The following PSORS1C1 variants were observed in gnomAD, a reference collection of about 807,000 sequenced individuals.
The protein encoded by PSORS1C1 is psoriasis susceptibility 1 candidate gene 1 protein.
In PSORS1C1, 7 loss-of-function variants were observed where a neutral mutation model predicts 9.4. That is an observed-to-expected ratio of 0.75 (90% CI 0.42 to 1.40). The LOEUF (loss-of-function observed/expected upper bound fraction) is 1.40, where lower values mean the gene tolerates loss of function less well. Among genes scored for constraint, PSORS1C1 ranks in the 40% most tolerant of loss-of-function variants. PSORS1C1 has a pLI of 0.01. For missense variants in PSORS1C1, 146 were observed against 178.1 expected, an observed-to-expected ratio of 0.82 and a Z score of 1.02; for synonymous variants, 63 against 69.4, an observed-to-expected ratio of 0.91 and a Z score of 0.46.
chr6:31,121,436 G>A (rs545082189), intron 1 of PSORS1C1, among the ~76,000 whole-genome samples: 3 of 152,198 alleles, frequency 2.0e-5, no homozygotes, highest in African/African-American at 4.8e-5. Context: ...GCAGGCTCCC[G>A]GGTCCTCAAA....
intron 1 of PSORS1C1, chr6:31,117,716 C>T: frequency 1.6e-6 from 1 of 613,298 alleles, no homozygotes; most frequent in East Asian, 2.8e-5. Flanking sequence ...CGAATAAAGG[C>T]ATTTCTTTGT....
intron 3 of PSORS1C1, among the ~76,000 whole-genome samples, chr6:31,137,185 T>C (rs1190445707): frequency 2.6e-5 from 3 of 116,100 alleles, no homozygotes; most frequent in Non-Finnish European, 3.6e-5. Flanking sequence ...GGCCGGGCGC[T>C]GTGGCTCACG....
In PSORS1C1 at chr6:31,128,525, G is replaced by C. The variant is rs147837208; in HGVS notation, c.-64-1044G>C. Among the ~76,000 whole-genome samples the C allele has an allele frequency of 1.0e-3, 156 of 152,242 alleles. 1 individual carries two copies. The East Asian group carries it at 0.02, about 20-fold the overall frequency. On this transcript the variant is annotated intron_variant, in intron 2 of 5. Transcript: ENST00000259881. This position sits in a 1 kb window ranked among gnomAD's most constrained non-coding sequence, Gnocchi z 4.3. ...GATTATACTGCAAAAGGAAAGGTGGGGATGGGGTGGGGACTGGGGAATTTG... is the reference window on the plus strand; with the variant it reads ...GATTATACTGCAAAAGGAAAGGTGGCGATGGGGTGGGGACTGGGGAATTTG...
chr6:31,130,578 A>AT (rs9281218), intron 3 of PSORS1C1, among the ~76,000 whole-genome samples: 8,358 of 151,528 alleles, frequency 0.055, 310 homozygotes, highest in South Asian at 0.11. Context: ...CTCCCGGCTA[A>AT]TTTTTTTTGT....
chr6:31,136,547 T>C (rs1311244463), intron 3 of PSORS1C1, among the ~76,000 whole-genome samples: 4 of 152,170 alleles, frequency 2.6e-5, no homozygotes, highest in Non-Finnish European at 5.9e-5. Flanking sequence ...CATATTAATC[T>C]GGAAACTGAT....
chr6:31,116,185 G>A (rs765498828), intron 1 of PSORS1C1: 1 of 1,613,524 alleles, frequency 6.2e-7, no homozygotes, highest in Non-Finnish European at 8.5e-7. Context: ...GGAGGGATCA[G>A]GATGGGGAGA....
intron 1 of PSORS1C1, among the ~76,000 whole-genome samples, chr6:31,123,636 C>T (rs1480478302): frequency 6.6e-6 from 1 of 152,252 alleles, no homozygotes; most frequent in Admixed American, 6.5e-5. Flanking sequence ...CACATGCCTT[C>T]CATAGGCAAA....
intron 1 of PSORS1C1, among the ~76,000 whole-genome samples, chr6:31,121,180 G>A (rs935255292): frequency 6.6e-6 from 1 of 151,520 alleles, no homozygotes; most frequent in Non-Finnish European, 1.5e-5. Flanking sequence ...GGGTGGGGGG[G>A]TGCTGGGAGC....
intron 3 of PSORS1C1, chr6:31,137,760 C>G (rs371292409): frequency 2.4e-6 from 1 of 408,548 alleles, no homozygotes; most frequent in South Asian, 1.1e-4. Context: ...GATGTGAGGA[C>G]TAAGTATGGA....
intron 1 of PSORS1C1, among the ~76,000 whole-genome samples, chr6:31,122,498 G>C (rs1161831773): frequency 6.6e-6 from 1 of 152,136 alleles, no homozygotes; most frequent in Non-Finnish European, 1.5e-5. Flanking sequence ...CTGCTCGGCT[G>C]GGCACGGTGG....
In PSORS1C1 at chr6:31,139,948, C is replaced by T; in HGVS notation, c.*16C>T. 6.4e-7 allele frequency: 1 copy of T among 1,555,868 alleles called. No homozygotes were observed. ...CTTGATCTAAGCCTCCCAGAGAGACCCCTAGAACGTTTCCCTCAAGGACCT... is the reference window on the plus strand; with the variant it reads ...CTTGATCTAAGCCTCCCAGAGAGACTCCTAGAACGTTTCCCTCAAGGACCT... On this transcript the variant is annotated 3_prime_UTR_variant, in exon 6 of 6. Coordinates refer to ENST00000259881, the MANE Select transcript of PSORS1C1 (RefSeq NM_014068.3). The surrounding 1 kb of genome is among the most constrained non-coding windows in gnomAD (Gnocchi z 5.2).
chr6:31,138,915 A>G, intron 5 of PSORS1C1, 136 bp downstream of exon 5: 1 of 1,602,718 alleles, frequency 6.2e-7, no homozygotes, highest in African/African-American at 1.3e-5. Context: ...CACCTCCGCC[A>G]TCTTGAGTAT....
At chr6:31,116,039 G>C (rs1159456064) in intron 1 of PSORS1C1, 15 of 1,611,434 alleles carry the variant, frequency 9.3e-6, no homozygotes, top group African/African-American at 1.3e-5. Context: ...GGACTGTTGA[G>C]TAACTCTCCT....
At chr6:31,131,183 T>C (rs752836722) in intron 3 of PSORS1C1, among the ~76,000 whole-genome samples, 2 of 152,086 alleles carry the variant, frequency 1.3e-5, no homozygotes, top group Non-Finnish European at 2.9e-5. Context: ...ATCATTCCGA[T>C]CTACTCTTTG....
At chr6:31,120,710 C>T (rs998896272) in intron 1 of PSORS1C1, among the ~76,000 whole-genome samples, 1 of 152,166 alleles carries the variant, frequency 6.6e-6, no homozygotes, top group Non-Finnish European at 1.5e-5. Context: ...TAACCCGGAA[C>T]CAGGCGCTCT....
rs117066148 is a variant in PSORS1C1 at position 31,115,915 on chromosome 6, G to A, written c.-229+1024G>A. The A allele has an allele frequency of 2.1e-6, 2 of 946,838 alleles. No homozygotes were observed. The highest frequency in any genetic ancestry group is 1.7e-6 in the Non-Finnish European group (1 of 594,462). The allele number at this position is 946,838 out of a possible 1,614,324, so 58.7% of individuals were successfully genotyped here. A position where few individuals can be genotyped will look rare whatever the true frequency, so the allele number is the denominator to read the frequency against. ...GAAAGCAGAACCACTCTTTTGGGAA[G>A]GAGGGAAACTGAGCTAACCCTATGC... is the stretch of plus-strand genomic sequence containing the variant. On this transcript the variant is annotated intron_variant, in intron 1 of 5. Coordinates refer to ENST00000259881, the MANE Select transcript of PSORS1C1 (RefSeq NM_014068.3). The surrounding 1 kb of genome is among the most constrained non-coding windows in gnomAD (Gnocchi z 4.2).
rs138879445 is a variant in PSORS1C1, at chr6:31,126,311, A to G, written c.-65+472A>G. Among the ~76,000 whole-genome samples, 330 of 152,278 alleles carry G rather than the reference A, an allele frequency of 2.2e-3. 6 individuals carry two copies. Among genetic ancestry groups the G allele is most frequent in the Middle Eastern group, 0.014 (4 of 294 alleles). On this transcript the variant is annotated intron_variant, in intron 2 of 5. Coordinates refer to ENST00000259881, the MANE Select transcript of PSORS1C1 (RefSeq NM_014068.3). ...GAGGACGTACTGGGGTTTCCCCTGG[A>G]CATGGCATTCATCTGATGCCAGTGG...
rs1772046690 is a variant in PSORS1C1 at position 31,115,275 on chromosome 6, C to T, written c.-229+384C>T. On this transcript the variant is annotated intron_variant, in intron 1 of 5. Transcript: ENST00000259881. The surrounding 1 kb of genome is among the most constrained non-coding windows in gnomAD (Gnocchi z 4.2). ...AGAAGGCAAAAAGTCTGCACCTAGT[C>T]CCCACAGTTTACTGAGCCATCTGTC... 1 of 227,802 alleles carries T rather than the reference C, an allele frequency of 4.4e-6. No individual in the cohort carries two copies. The highest frequency in any genetic ancestry group is 2.3e-5 in the African/African-American group (1 of 43,364). The allele number at this position is 227,802 out of a possible 1,614,324, so 14.1% of individuals were successfully genotyped here.
chr6:31,117,664 G>A lies in PSORS1C1; in HGVS notation c.-229+2773G>A, dbSNP rs118038522. 2.7e-3 allele frequency: 1,992 copies of A among 744,698 alleles called. 72 individuals are homozygous for A. The East Asian group carries it at 0.046, about 17-fold the overall frequency. The allele number at this position is 744,698 out of a possible 1,614,324, so 46.1% of individuals were successfully genotyped here. ...AGGGAGAGTTTAGGGATGGAGAAAG[G>A]AGGAAGAACTGGCTATTGTCTCTAA... On this transcript the variant is annotated intron_variant, in intron 1 of 5. Transcript: ENST00000259881.
Sources: allele counts gnomAD v4.1 joint callset (sites outside exome capture counted in the v4.1 genomes callset), GRCh38; gene constraint gnomAD v4.1.1; non-coding constraint Gnocchi (gnomAD v3.1); transcripts MANE v1.5; gene names NCBI Gene and HGNC (gene_info 2026-07-23, HGNC 2026-07-21).